The following RALB variants were observed in gnomAD, a reference collection of about 807,000 sequenced individuals.
RALB encodes the protein RAS like proto-oncogene B.
RALB carries 16 observed loss-of-function variants against 21.3 expected under a neutral mutation model. The ratio of observed to expected loss-of-function variants is 0.75; its 90% CI spans 0.51 to 1.14. RALB has a LOEUF of 1.14. Ranked by LOEUF, RALB falls within the 50% of genes most tolerant of loss-of-function variation. The pLI is 0.00. For synonymous variants in RALB, 93 were observed against 96.1 expected, an observed-to-expected ratio of 0.97 and a Z score of 0.19; for missense variants, 161 against 256.2, an observed-to-expected ratio of 0.63 and a Z score of 2.54.
chr2:120,256,442 G>A (rs751269249), intron 1 of RALB, among the ~76,000 whole-genome samples: 5 of 152,162 alleles, frequency 3.3e-5, no homozygotes, highest in East Asian at 1.9e-4. Context: ...ATCCCCATAC[G>A]TTGTGGGAGG....
At chr2:120,249,627 T>G (rs1689023079), upstream of RALB, among the ~76,000 whole-genome samples, 1 of 151,832 alleles carries the variant, frequency 6.6e-6, no homozygotes, top group Non-Finnish European at 1.5e-5. Context: ...TGCCAAGGAG[T>G]AGCACTAAGC....
chr2:120,293,251 C>T lies in RALB; in HGVS notation c.612C>T (p.Cys204=), dbSNP rs777777079. The change falls in exon 5 of 5, where the codon TGC becomes TGT. Residue 204 remains cysteine (C), a synonymous_variant. Coordinates refer to ENST00000272519, the MANE Select transcript of RALB (RefSeq NM_002881.3). ...AGAAAAGTTTTAAAGAAAGATGTTG[C>T]TTACTATGAGTGTCAAGGTGACGGA... The part of the protein sequence containing the change: ...KNKKSFKERC[C]LL The T allele has an allele frequency of 1.2e-6, 2 of 1,612,424 alleles. No homozygotes were observed. The highest frequency in any genetic ancestry group is 1.7e-6 in the Non-Finnish European group (2 of 1,179,072).
At chr2:120,291,192 CAT>C (rs1558958896) in intron 4 of RALB, among the ~76,000 whole-genome samples, 1 of 152,152 alleles carries the variant, frequency 6.6e-6, no homozygotes, top group South Asian at 2.1e-4. Context: ...TACATAAAAA[CAT>C]GTATCTTAGG....
chr2:120,288,778 T>G (rs1267171471), intron 3 of RALB, among the ~76,000 whole-genome samples: 1 of 152,200 alleles, frequency 6.6e-6, no homozygotes, highest in Non-Finnish European at 1.5e-5. Context: ...GGGCTTGTCG[T>G]ATTTCCTTTC....
chr2:120,264,952 G>A (rs887422323), intron 1 of RALB, among the ~76,000 whole-genome samples: 2 of 152,200 alleles, frequency 1.3e-5, no homozygotes, highest in African/African-American at 2.4e-5. Context: ...TTGTAAGGCT[G>A]AATATTCTAC....
intron 1 of RALB, among the ~76,000 whole-genome samples, chr2:120,258,443 A>G (rs1480640187): frequency 6.6e-6 from 1 of 152,200 alleles, no homozygotes; most frequent in Admixed American, 6.5e-5. Context: ...CGCTTGGCAC[A>G]TTCACAGGGC....
Position 120,253,563 on chromosome 2 carries a change from C to T in RALB, c.-48+583C>T, listed in dbSNP as rs537041538. 1.5e-3 allele frequency: 1,436 copies of T among 985,578 alleles called. 2 individuals are homozygous for T. The highest frequency in any genetic ancestry group is 1.7e-3 in the Non-Finnish European group (1,372 of 830,070). The allele number at this position is 985,578 out of a possible 1,614,324, so 61.1% of individuals were successfully genotyped here. On this transcript the variant is annotated intron_variant, in intron 1 of 4. Transcript: ENST00000272519. ...GGGCTTCTAAGGGGAAGCGCCTGGACTGGGCATCGCCGTCCCGGTTCTTGC... is the reference window on the plus strand; with the variant it reads ...GGGCTTCTAAGGGGAAGCGCCTGGATTGGGCATCGCCGTCCCGGTTCTTGC...
At chr2:120,248,511 C>G (rs1185938975), upstream of RALB, among the ~76,000 whole-genome samples, 6 of 151,784 alleles carry the variant, frequency 4.0e-5, no homozygotes, top group African/African-American at 9.7e-5. Context: ...TTGCTCCCTT[C>G]CTCCTGCAAT....
At chr2:120,288,862 C>G (rs1239470281) in intron 3 of RALB, among the ~76,000 whole-genome samples, 2 of 152,102 alleles carry the variant, frequency 1.3e-5, no homozygotes, top group Non-Finnish European at 2.9e-5. Context: ...TGTCTCGATT[C>G]TGTGGCCTAT....
At chr2:120,262,094 A>G (rs532527857) in intron 1 of RALB, among the ~76,000 whole-genome samples, 48 of 152,298 alleles carry the variant, frequency 3.2e-4, no homozygotes, top group African/African-American at 1.0e-3. Flanking sequence ...AAGTCTGCAG[A>G]CCAGAAGCAG....
At chr2:120,252,795 C>A (rs2087666715), upstream of RALB, 10 of 985,466 alleles carry the variant, frequency 1.0e-5, no homozygotes, top group Non-Finnish European at 1.2e-5. Context: ...GAAGCGAGGG[C>A]GCGCTCTCGA....
intron 4 of RALB, 99 bp downstream of exon 4, chr2:120,289,856 T>C: frequency 8.9e-7 from 1 of 1,126,144 alleles, no homozygotes; most frequent in Non-Finnish European, 1.2e-6. Context: ...TTATGAAAAC[T>C]AGGTGAAGAT....
chr2:120,252,583 G>C (rs1282035671), upstream of RALB, among the ~76,000 whole-genome samples: 2 of 152,226 alleles, frequency 1.3e-5, no homozygotes, highest in African/African-American at 4.8e-5. Context: ...CTCCACTGCC[G>C]CAGGGTTACC....
upstream of RALB, among the ~76,000 whole-genome samples, chr2:120,251,341 C>T (rs1411015695): frequency 1.3e-5 from 2 of 152,196 alleles, no homozygotes; most frequent in African/African-American, 2.4e-5. Flanking sequence ...GACTGTACAT[C>T]GTGGCCTCTG....
At chr2:120,286,782 G>T (rs1031850920) in intron 3 of RALB, among the ~76,000 whole-genome samples, 1 of 152,162 alleles carries the variant, frequency 6.6e-6, no homozygotes, top group Non-Finnish European at 1.5e-5. Context: ...TAGACACATG[G>T]TGCTTCCATA....
In RALB at chr2:120,294,581, G is replaced by A. The variant is rs1032903856; in HGVS notation, c.*1321G>A. On this transcript the variant is annotated 3_prime_UTR_variant, in exon 5 of 5. Coordinates refer to ENST00000272519, the MANE Select transcript of RALB (RefSeq NM_002881.3). ...TGCCAAAAGTGAATCGGGGTGCGGA[G>A]AGTGGGAACCTTTTGAATTTATGAT... The A allele has an allele frequency of 4.2e-6, 1 of 236,638 alleles. No homozygotes were observed. The highest frequency in any genetic ancestry group is 2.2e-5 in the African/African-American group (1 of 44,670). 14.7% of individuals were successfully genotyped at this position (236,638 alleles called of 1,614,324 possible).
intron 2 of RALB, 44 bp from the exon 3 acceptor site, chr2:120,285,830 C>A: frequency 1.3e-6 from 2 of 1,555,360 alleles, no homozygotes; most frequent in Non-Finnish European, 1.8e-6. Context: ...AGATTTTGTT[C>A]CCCTTAAGAC....
intron 1 of RALB, among the ~76,000 whole-genome samples, chr2:120,259,760 G>C (rs1346897683): frequency 6.6e-6 from 1 of 152,266 alleles, no homozygotes; most frequent in Non-Finnish European, 1.5e-5. Context: ...GCATTCCTCA[G>C]CCCTTGGGTG....
intron 2 of RALB, among the ~76,000 whole-genome samples, chr2:120,279,220 G>A (rs1240749901): frequency 1.3e-5 from 2 of 152,062 alleles, no homozygotes; most frequent in Non-Finnish European, 2.9e-5. Flanking sequence ...TCTCCCGTGC[G>A]GCAAGGTAAA....
Sources: gnomAD v4.1 joint callset for allele counts (sites outside exome capture counted in the v4.1 genomes callset) on GRCh38, gnomAD v4.1.1 for gene constraint, MANE v1.5 for transcripts, NCBI Gene and HGNC (gene_info 2026-07-23, HGNC 2026-07-21) for gene names.